MEOX2: variants seen among roughly 807,000 people sequenced by gnomAD.
MEOX2 encodes the protein homeobox protein MOX-2.
MEOX2 carries 11 observed loss-of-function variants against 27.0 expected under a neutral mutation model. The observed-to-expected ratio is 0.41, with a 90% CI of 0.26 to 0.68. The LOEUF is 0.68. MEOX2 is among the 30% of genes least tolerant of loss of function. MEOX2 has a pLI of 0.33. For synonymous variants in MEOX2, 189 were observed against 155.4 expected, an observed-to-expected ratio of 1.22 and a Z score of -1.61; for missense variants, 436 against 385.4, an observed-to-expected ratio of 1.13 and a Z score of -1.10.
At position 15,667,289 on chromosome 7, in the gene MEOX2, CAAA is replaced by C. The variant is rs532691969; in HGVS notation, c.517+18594_517+18596del. Among the ~76,000 whole-genome samples, 53 of 40,978 alleles carry C rather than the reference CAAA, an allele frequency of 1.3e-3. 2 individuals carry two copies. The East Asian group carries it at 0.022, about 17-fold the overall frequency. 26.9% of individuals were successfully genotyped at this position (40,978 alleles called of 152,430 possible). On this transcript the variant is annotated intron_variant, in intron 1 of 2. Transcript: ENST00000262041. ...CTGGCAACAGAGTGAGACTCTGTCTCAAAAAAAAAAAAAAAAAAAAAAAGTAGG... is the reference window on the plus strand; with the variant it reads ...CTGGCAACAGAGTGAGACTCTGTCTCAAAAAAAAAAAAAAAAAAAAGTAGG...
rs932418144 is a variant in MEOX2 at position 15,613,966 on chromosome 7, A to G, written c.691-1355T>C. On this transcript the variant is annotated intron_variant, in intron 2 of 2. Coordinates refer to ENST00000262041, the MANE Select transcript of MEOX2 (RefSeq NM_005924.5). ...GGCTGCTGCTATCTATCTTCTCTCA[A>G]TGTATGCTGTTTCTTTTTCCTTTTC... 2.0e-5 allele frequency among the ~76,000 whole-genome samples: 3 copies of G among 151,796 alleles called. No individual in the cohort carries two copies. The East Asian group carries it at 5.8e-4, about 29-fold the overall frequency.
chr7:15,638,771 G>C (rs141263553), intron 1 of MEOX2, among the ~76,000 whole-genome samples: 220 of 152,114 alleles, frequency 1.4e-3, no homozygotes, highest in South Asian at 0.013. Flanking sequence ...TTAAGATAAA[G>C]GCCTCCAACT....
intron 2 of MEOX2, among the ~76,000 whole-genome samples, chr7:15,617,055 G>C (rs1781135743): frequency 6.6e-6 from 1 of 151,948 alleles, no homozygotes; most frequent in Non-Finnish European, 1.5e-5. Context: ...AATTTCCTAA[G>C]GTGTCCTGAG....
intron 1 of MEOX2, among the ~76,000 whole-genome samples, chr7:15,653,655 A>G (rs185518751): frequency 6.6e-6 from 1 of 152,060 alleles, no homozygotes. Flanking sequence ...TAATTTTTGT[A>G]TAAGGTCTGA....
chr7:15,636,533 C>G (rs373877088), intron 1 of MEOX2, among the ~76,000 whole-genome samples: 2 of 152,054 alleles, frequency 1.3e-5, no homozygotes, highest in African/African-American at 4.8e-5. Context: ...AGAAGGAAAA[C>G]AATCTCAGGC....
rs865972296 is a variant in MEOX2, at chr7:15,637,554, A to G, written c.518-10636T>C. ...CACGCACACACACACGCACACACACACATAAAACATACCATCTGCTAATCT... is the reference window on the plus strand; with the variant it reads ...CACGCACACACACACGCACACACACGCATAAAACATACCATCTGCTAATCT... On this transcript the variant is annotated intron_variant, in intron 1 of 2. Transcript: ENST00000262041. Among the ~76,000 whole-genome samples the G allele has an allele frequency of 1.3e-3, 193 of 152,124 alleles. 1 individual carries two copies. The highest frequency in any genetic ancestry group is 4.5e-3 in the African/African-American group (186 of 41,532).
intron 1 of MEOX2, among the ~76,000 whole-genome samples, chr7:15,664,224 T>C (rs1206176934): frequency 1.3e-5 from 2 of 152,192 alleles, no homozygotes; most frequent in Non-Finnish European, 2.9e-5. Flanking sequence ...TGCTTTTAAA[T>C]TTAATTTTGG....
At chr7:15,652,075 T>C (rs996417984) in intron 1 of MEOX2, among the ~76,000 whole-genome samples, 6 of 152,024 alleles carry the variant, frequency 3.9e-5, no homozygotes, top group African/African-American at 1.4e-4. Context: ...AAAGAAATAA[T>C]CTTTTAAGAT....
At chr7:15,640,180 G>C (rs1337083887) in intron 1 of MEOX2, among the ~76,000 whole-genome samples, 2 of 151,814 alleles carry the variant, frequency 1.3e-5, no homozygotes, top group Non-Finnish European at 2.9e-5. Context: ...TCTCCTTGTA[G>C]AATTCTTTCA....
Position 15,612,137 on chromosome 7 carries a change from C to G in MEOX2, c.*250G>C, listed in dbSNP as rs1431940570. 1.9e-6 allele frequency: 1 copy of G among 535,756 alleles called. No homozygotes were observed. Among genetic ancestry groups the G allele is most frequent in the South Asian group, 2.4e-5 (1 of 42,262 alleles). The allele number at this position is 535,756 out of a possible 1,614,324, so 33.2% of individuals were successfully genotyped here. ...AAGCAAACACATACCTGCTCACTGC[C>G]ATACGCACGACCAAACACATCTGGA... On this transcript the variant is annotated 3_prime_UTR_variant, in exon 3 of 3. Coordinates refer to ENST00000262041, the MANE Select transcript of MEOX2 (RefSeq NM_005924.5).
At chr7:15,630,119 T>C (rs1195513551) in intron 1 of MEOX2, among the ~76,000 whole-genome samples, 1 of 152,060 alleles carries the variant, frequency 6.6e-6, no homozygotes. Flanking sequence ...GATACTTTAA[T>C]GCACCTGTGG....
At chr7:15,650,864 G>T (rs1398767269) in intron 1 of MEOX2, among the ~76,000 whole-genome samples, 1 of 152,012 alleles carries the variant, frequency 6.6e-6, no homozygotes, top group Non-Finnish European at 1.5e-5. Flanking sequence ...CGATCTGCCT[G>T]CCTTTTATTA....
intron 1 of MEOX2, among the ~76,000 whole-genome samples, chr7:15,662,509 T>A (rs1447264618): frequency 6.6e-6 from 1 of 152,002 alleles, no homozygotes; most frequent in Non-Finnish European, 1.5e-5. Flanking sequence ...GATACTAGAT[T>A]CAAAATAAAA....
chr7:15,621,729 G>T (rs920629055), intron 2 of MEOX2, among the ~76,000 whole-genome samples: 1 of 152,176 alleles, frequency 6.6e-6, no homozygotes, highest in Non-Finnish European at 1.5e-5. Context: ...ACATTTTATT[G>T]TCAATCATGT....
chr7:15,671,529 T>C (rs17168966), intron 1 of MEOX2, among the ~76,000 whole-genome samples: 2,914 of 152,290 alleles, frequency 0.019, 103 homozygotes, highest in African/African-American at 0.067. Context: ...GACCCAGAGC[T>C]GAAATGACTT....
intron 1 of MEOX2, among the ~76,000 whole-genome samples, chr7:15,663,733 A>T (rs1172815510): frequency 1.3e-5 from 2 of 152,200 alleles, no homozygotes; most frequent in Non-Finnish European, 2.9e-5. Flanking sequence ...GGACTATTAT[A>T]AATTAAATTA....
chr7:15,643,381 C>G (rs1358778116), intron 1 of MEOX2, among the ~76,000 whole-genome samples: 1 of 152,154 alleles, frequency 6.6e-6, no homozygotes, highest in Admixed American at 6.5e-5. Context: ...CTCTCCAAGG[C>G]AGGTACAAGC....
intron 1 of MEOX2, among the ~76,000 whole-genome samples, chr7:15,636,711 C>T (rs1047293599): frequency 1.3e-5 from 2 of 151,960 alleles, no homozygotes; most frequent in Non-Finnish European, 1.5e-5. Context: ...TTTTGTGCTG[C>T]TATAACAGAA....
intron 2 of MEOX2, among the ~76,000 whole-genome samples, chr7:15,618,299 G>A (rs1482283474): frequency 6.6e-6 from 1 of 151,898 alleles, no homozygotes; most frequent in African/African-American, 2.4e-5. Flanking sequence ...AGTATTTCAT[G>A]AATAAAAGAC....
Sources: gnomAD v4.1 joint callset for allele counts (sites outside exome capture counted in the v4.1 genomes callset) on GRCh38, gnomAD v4.1.1 for gene constraint, MANE v1.5 for transcripts, NCBI Gene and HGNC (gene_info 2026-07-23, HGNC 2026-07-21) for gene names.